SLC25A5: variants seen among roughly 807,000 people sequenced by gnomAD.
The protein encoded by SLC25A5 is solute carrier family 25 member 5, also known as ADP/ATP translocase 2.
SLC25A5 carries 4 observed loss-of-function variants against 16.5 expected under a neutral mutation model. The observed-to-expected ratio is 0.24, with a 90% confidence interval of 0.12 to 0.56. The LOEUF (loss-of-function observed/expected upper bound fraction) is 0.56. Among genes scored for constraint, SLC25A5 ranks in the 20% least tolerant of loss-of-function variants. SLC25A5 has a pLI of 0.93. For synonymous variants in SLC25A5, 60 were observed against 95.2 expected (o/e 0.63, Z 2.15); for missense variants, 88 against 248.0 (o/e 0.35, Z 4.33).
Position 119,468,632 on chromosome X carries a change from T to A in SLC25A5, c.111+6T>A, listed in dbSNP as rs1386438611. Reference sequence around the variant, plus strand: ...GGGTCAAGCTGCTGCTGCAGGTACGTCCTGGGATCCAGGAGCCCAACCAGG... The same window carrying A: ...GGGTCAAGCTGCTGCTGCAGGTACGACCTGGGATCCAGGAGCCCAACCAGG... On this transcript the variant is annotated splice_donor_region_variant and intron_variant, in intron 1 of 3. Coordinates refer to ENST00000317881, the MANE Select transcript of SLC25A5 (RefSeq NM_001152.5). 1.7e-5 allele frequency: 20 copies of A among 1,194,356 alleles called. No homozygotes were observed. The highest frequency in any genetic ancestry group is 2.3e-5 in the Non-Finnish European group (20 of 884,361).
intron 1 of SLC25A5, 118 bp from the exon 2 acceptor site, chrX:119,469,543 A>G (rs2052813285): frequency 1.2e-6 from 1 of 856,085 alleles, no homozygotes; most frequent in African/African-American, 2.1e-5. Flanking sequence ...ATATACGAAG[A>G]CTAGATTTGA....
intron 1 of SLC25A5, 150 bp from the exon 2 acceptor site, chrX:119,469,511 T>C (rs1223018587): frequency 1.6e-6 from 1 of 622,975 alleles, no homozygotes; most frequent in Non-Finnish European, 2.5e-6. Flanking sequence ...CCTCAGAGGG[T>C]TGGGAGGGTC....
At position 119,469,571 on chromosome X, in the gene SLC25A5, T is replaced by G. The variant is rs1383842492; in HGVS notation, c.112-90T>G. ...AGATTTGAGAGAGGGGAGCCTACCT[T>G]AAAGGGCATTGATCGAGATGGCATA... On this transcript the variant is annotated intron_variant, in intron 1 of 3. Coordinates refer to ENST00000317881, the MANE Select transcript of SLC25A5 (RefSeq NM_001152.5). The G allele has an allele frequency of 5.7e-6, 6 of 1,044,582 alleles. No individual in the cohort carries two copies. The African/African-American group carries it at 1.2e-4, about 20-fold the overall frequency. 86.1% of individuals were successfully genotyped at this position (1,044,582 alleles called of 1,213,427 possible). A position where few individuals can be genotyped will look rare whatever the true frequency, so the allele number is the denominator to read the frequency against.
At chrX:119,470,748 G>A (rs943729650) in intron 3 of SLC25A5, among the ~76,000 whole-genome samples, 153 bp from the exon 4 acceptor site, 4 of 112,190 alleles carry the variant, frequency 3.6e-5, no homozygotes, top group Admixed American at 9.5e-5. Flanking sequence ...TGTGGTCATA[G>A]CATTAATATT....
intron 2 of SLC25A5, 39 bp downstream of exon 2, chrX:119,470,186 GAC>G: frequency 8.6e-7 from 1 of 1,156,152 alleles, no homozygotes; most frequent in Non-Finnish European, 1.1e-6. Flanking sequence ...GTTCTTAGGA[GAC>G]AGTTTAAAAG....
Position 119,468,461 on chromosome X carries a change from CAA to C in SLC25A5, c.-53_-52del. The C allele has an allele frequency of 5.6e-6, 6 of 1,079,165 alleles. No individual in the cohort carries two copies. The highest frequency in any genetic ancestry group is 7.7e-6 in the Non-Finnish European group (6 of 782,568). The allele number at this position is 1,079,165 out of a possible 1,213,427, so 88.9% of individuals were successfully genotyped here. On this transcript the variant is annotated 5_prime_UTR_variant, in exon 1 of 4. Coordinates refer to ENST00000317881, the MANE Select transcript of SLC25A5 (RefSeq NM_001152.5). ...TCGCTCCGCCCCGCAGCGCCGGAGT[CAA>C]AGCCGGTTCCCGGCCCAGTCCCGTC...
chrX:119,468,474 C>T lies in SLC25A5; in HGVS notation c.-42C>T, dbSNP rs761817456. ...CAGCGCCGGAGTCAAAGCCGGTTCC[C>T]GGCCCAGTCCCGTCCTGCAGCAGTC... On this transcript the variant is annotated 5_prime_UTR_variant, in exon 1 of 4. Transcript: ENST00000317881. 11 of 1,131,651 alleles carry T rather than the reference C, an allele frequency of 9.7e-6. No individual in the cohort carries two copies. The highest frequency in any genetic ancestry group is 7.5e-5 in the South Asian group (4 of 53,513). 93.3% of individuals were successfully genotyped at this position (1,131,651 alleles called of 1,213,427 possible). A position where few individuals can be genotyped will look rare whatever the true frequency, so the allele number is the denominator to read the frequency against.
At chrX:119,469,254 ACC>A in intron 1 of SLC25A5, 1 of 119,800 alleles carries the variant, frequency 8.3e-6, no homozygotes, top group South Asian at 3.1e-4. Flanking sequence ...CGCTCGGGTC[ACC>A]TCTGGGAGCG....
At chrX:119,470,308 G>T in intron 2 of SLC25A5, 65 bp from the exon 3 acceptor site, 1 of 1,164,753 alleles carries the variant, frequency 8.6e-7, no homozygotes, top group Non-Finnish European at 1.2e-6. Flanking sequence ...GTGTTTAGGG[G>T]ATGTGGGGAA....
chrX:119,469,061 G>C (rs2052807613), intron 1 of SLC25A5: 1 of 118,062 alleles, frequency 8.5e-6, no homozygotes. Flanking sequence ...CCCAGCCCGC[G>C]GACGCGCTCA....
chrX:119,469,591 G>T (rs2052813919), intron 1 of SLC25A5, 70 bp from the exon 2 acceptor site: 1 of 1,092,954 alleles, frequency 9.1e-7, no homozygotes, highest in African/African-American at 1.9e-5. Context: ...TGATCGAGAT[G>T]GCATAAGCTC....
rs760888044 is a variant in SLC25A5, at chrX:119,468,467, C to G, written c.-49C>G. On this transcript the variant is annotated 5_prime_UTR_variant, in exon 1 of 4. Coordinates refer to ENST00000317881, the MANE Select transcript of SLC25A5 (RefSeq NM_001152.5). ...CGCCCCGCAGCGCCGGAGTCAAAGC[C>G]GGTTCCCGGCCCAGTCCCGTCCTGC... is the stretch of plus-strand genomic sequence containing the variant. 2.7e-6 allele frequency: 3 copies of G among 1,096,425 alleles called. No homozygotes were observed. The highest frequency in any genetic ancestry group is 3.8e-6 in the Non-Finnish European group (3 of 798,044). The allele number at this position is 1,096,425 out of a possible 1,213,427, so 90.4% of individuals were successfully genotyped here. A position where few individuals can be genotyped will look rare whatever the true frequency, so the allele number is the denominator to read the frequency against.
rs753474355 is a variant in SLC25A5, at chrX:119,468,479, C to G, written c.-37C>G. 1.8e-6 allele frequency: 2 copies of G among 1,142,076 alleles called. No homozygotes were observed. The highest frequency in any genetic ancestry group is 3.5e-5 in the African/African-American group (2 of 56,832). 94.1% of individuals were successfully genotyped at this position (1,142,076 alleles called of 1,213,427 possible). A position where few individuals can be genotyped will look rare whatever the true frequency, so the allele number is the denominator to read the frequency against. ...CCGGAGTCAAAGCCGGTTCCCGGCC[C>G]AGTCCCGTCCTGCAGCAGTCTGCCT... On this transcript the variant is annotated 5_prime_UTR_variant, in exon 1 of 4. Transcript: ENST00000317881.
rs2052827369 is a variant in SLC25A5 at position 119,470,885 on chromosome X, T to C, written c.740-16T>C. 8.3e-6 allele frequency: 10 copies of C among 1,203,197 alleles called. No homozygotes were observed. The East Asian group carries it at 2.7e-4, about 32-fold the overall frequency. ...TCGGCCTTCAGTCACTAACTCCATG[T>C]CTTTATTCTTTGCAGCTGACATCAT... On this transcript the variant is annotated splice_polypyrimidine_tract_variant and intron_variant, in intron 3 of 3. Transcript: ENST00000317881.
At chrX:119,468,861 C>T in intron 1 of SLC25A5, 1 of 394,570 alleles carries the variant, frequency 2.5e-6, no homozygotes. Flanking sequence ...GGACCAGGCT[C>T]TCGGCATCTC....
In SLC25A5 at chrX:119,470,482, C is replaced by T. The variant is rs766211839; in HGVS notation, c.708C>T (p.Arg236=). ...LTSYPFDTVR[R]RMMMQSGRKG... ...CCTATCCATTTGACACTGTTCGCCG[C>T]CGCATGATGATGCAGTCAGGGCGCA... The change falls in exon 3 of 4, where the codon CGC becomes CGT. Residue 236 remains arginine (R), a synonymous_variant. Coordinates refer to ENST00000317881, the MANE Select transcript of SLC25A5 (RefSeq NM_001152.5). The T allele has an allele frequency of 9.1e-6, 11 of 1,212,231 alleles. No individual in the cohort carries two copies. The Admixed American group carries it at 2.2e-4, about 24-fold the overall frequency.
chrX:119,470,859 A>G, intron 3 of SLC25A5, 42 bp from the exon 4 acceptor site: 1 of 1,173,672 alleles, frequency 8.5e-7, no homozygotes, highest in South Asian at 1.9e-5. Context: ...AGGATTTTTC[A>G]TCGGCCTTCA....
In SLC25A5 at chrX:119,468,605, G is replaced by A. The variant is rs2147312477; in HGVS notation, c.90G>A (p.Glu30=). Residue 30 remains glutamate, a synonymous_variant, in exon 1 of 4, where the codon GAG becomes GAA. Transcript: ENST00000317881. ...CCAAGACGGCGGTAGCGCCCATCGA[G>A]CGGGTCAAGCTGCTGCTGCAGGTAC... ...AISKTAVAPI[E]RVKLLLQVQH... is the part of the protein sequence containing the mutation. 4 of 1,207,984 alleles carry A rather than the reference G, an allele frequency of 3.3e-6. No homozygotes were observed. Among genetic ancestry groups the A allele is most frequent in the South Asian group, 3.6e-5 (2 of 56,273 alleles).
At chrX:119,468,744 G>A (rs2052804031) in intron 1 of SLC25A5, 118 bp downstream of exon 1, 3 of 605,063 alleles carry the variant, frequency 5.0e-6, no homozygotes, top group Non-Finnish European at 7.9e-6. Flanking sequence ...AAGCGGCTTA[G>A]GAGAGGCCAG....
Sources: allele counts gnomAD v4.1 joint callset (sites outside exome capture counted in the v4.1 genomes callset), GRCh38; gene constraint gnomAD v4.1.1; transcripts MANE v1.5; gene names NCBI Gene and HGNC (gene_info 2026-07-23, HGNC 2026-07-21).